Variants in PRMT3 observed in about 807,000 individuals in gnomAD.
PRMT3 encodes the protein protein arginine N-methyltransferase 3.
A neutral mutation model predicts 71.9 loss-of-function variants in PRMT3; 62 were observed. That is an observed-to-expected ratio of 0.86 (90% confidence interval 0.70 to 1.07). The LOEUF (loss-of-function observed/expected upper bound fraction) is 1.07. Among genes scored for constraint, PRMT3 ranks in the 50% least tolerant of loss-of-function variants. The pLI is 0.00. For missense variants in PRMT3, 663 were observed against 643.0 expected, an observed-to-expected ratio of 1.03 and a Z score of -0.34; for synonymous variants, 213 against 220.4, an observed-to-expected ratio of 0.97 and a Z score of 0.30.
chr11:20,430,197 G>T (rs1849626175), intron 10 of PRMT3, among the ~76,000 whole-genome samples: 1 of 152,040 alleles, frequency 6.6e-6, no homozygotes, highest in African/African-American at 2.4e-5. Context: ...AATCTAGAAT[G>T]AACCATAGTT....
intron 13 of PRMT3, among the ~76,000 whole-genome samples, chr11:20,483,761 A>G (rs1359606386): frequency 6.6e-6 from 1 of 152,196 alleles, no homozygotes; most frequent in Non-Finnish European, 1.5e-5. Context: ...GCAGAGGCAT[A>G]TAAAAGACAC....
intron 15 of PRMT3, among the ~76,000 whole-genome samples, chr11:20,506,300 A>C (rs1187566025): frequency 6.6e-6 from 1 of 152,204 alleles, no homozygotes; most frequent in Non-Finnish European, 1.5e-5. Context: ...ATTGGTGAAC[A>C]TGTCATATGA....
intron 13 of PRMT3, among the ~76,000 whole-genome samples, chr11:20,471,384 A>G (rs988505048): frequency 2.0e-5 from 3 of 152,046 alleles, no homozygotes; most frequent in Non-Finnish European, 4.4e-5. Flanking sequence ...TTTTGAGTTA[A>G]TTTTTGTGTA....
At chr11:20,437,607 T>G (rs979448176) in intron 10 of PRMT3, among the ~76,000 whole-genome samples, 4 of 151,896 alleles carry the variant, frequency 2.6e-5, no homozygotes, top group Admixed American at 1.3e-4. Context: ...TTGTTATTTT[T>G]GAGACGGAGT....
chr11:20,487,880 A>G (rs189854439), intron 13 of PRMT3, among the ~76,000 whole-genome samples: 26 of 152,354 alleles, frequency 1.7e-4, no homozygotes, highest in Non-Finnish European at 3.7e-4. Flanking sequence ...AATCCCAAAT[A>G]AATTTAAAAG....
intron 7 of PRMT3, 101 bp from the exon 8 acceptor site, chr11:20,402,818 T>C: frequency 1.2e-6 from 1 of 806,918 alleles, no homozygotes; most frequent in South Asian, 2.0e-5. Flanking sequence ...AAAACTGCTA[T>C]GGAAACTAGC....
At chr11:20,412,453 A>C (rs76480681) in intron 9 of PRMT3, among the ~76,000 whole-genome samples, 6,935 of 152,100 alleles carry the variant, frequency 0.046, 270 homozygotes, top group East Asian at 0.2. Context: ...GGATTTTTGA[A>C]ATTTTCAGCC....
chr11:20,408,108 TAGCTA>T, intron 9 of PRMT3, 76 bp downstream of exon 9: 1 of 1,111,750 alleles, frequency 9.0e-7, no homozygotes, highest in Non-Finnish European at 1.2e-6. Flanking sequence ...TTGTCTTTAG[TAGCTA>T]TCTAAGGCAG....
intron 9 of PRMT3, among the ~76,000 whole-genome samples, chr11:20,424,835 A>G (rs1849509210): frequency 1.3e-5 from 2 of 152,184 alleles, no homozygotes; most frequent in Non-Finnish European, 2.9e-5. Context: ...TAAGAATACA[A>G]CTGGGCTAAG....
At chr11:20,431,188 G>A (rs1317604862) in intron 10 of PRMT3, among the ~76,000 whole-genome samples, 3 of 152,016 alleles carry the variant, frequency 2.0e-5, no homozygotes, top group East Asian at 1.9e-4. Flanking sequence ...ACAGAAATTC[G>A]CTGGCCTCAG....
intron 9 of PRMT3, among the ~76,000 whole-genome samples, chr11:20,421,576 C>T (rs1849425675): frequency 6.6e-6 from 1 of 152,160 alleles, no homozygotes; most frequent in African/African-American, 2.4e-5. Context: ...AAGAATAAGT[C>T]TCCAAAAACC....
chr11:20,395,673 A>T, intron 5 of PRMT3, 130 bp from the exon 6 acceptor site: 1 of 885,764 alleles, frequency 1.1e-6, no homozygotes, highest in Non-Finnish European at 1.7e-6. Flanking sequence ...ATATTCAATT[A>T]AAAGTACTTT....
intron 2 of PRMT3, among the ~76,000 whole-genome samples, chr11:20,389,501 A>G (rs1172861861): frequency 6.6e-6 from 1 of 152,224 alleles, no homozygotes; most frequent in Non-Finnish European, 1.5e-5. Context: ...TGACAAATAA[A>G]TTCACTTTGA....
chr11:20,467,307 G>A (rs376737443), intron 13 of PRMT3, among the ~76,000 whole-genome samples: 1 of 152,156 alleles, frequency 6.6e-6, no homozygotes, highest in Non-Finnish European at 1.5e-5. Context: ...CACTTTAAAA[G>A]CATTATTTAG....
At chr11:20,433,188 T>TA (rs1366878064) in intron 10 of PRMT3, among the ~76,000 whole-genome samples, 29 of 152,184 alleles carry the variant, frequency 1.9e-4, no homozygotes, top group Non-Finnish European at 2.8e-4. Context: ...ATTTTTTTTT[T>TA]ACTCATCTCC....
In PRMT3 at chr11:20,393,057, A is replaced by C. The variant is rs927619473; in HGVS notation, c.400+58A>C. On this transcript the variant is annotated intron_variant, in intron 5 of 15. Coordinates refer to ENST00000331079, the MANE Select transcript of PRMT3 (RefSeq NM_005788.4). ...AACATAAGGCCGTTTGTTAACGGCAAAATGGAGGTAGAGTGTTTTAGGAAA... is the reference window on the plus strand; with the variant it reads ...AACATAAGGCCGTTTGTTAACGGCACAATGGAGGTAGAGTGTTTTAGGAAA... 4 of 1,050,630 alleles carry C rather than the reference A, an allele frequency of 3.8e-6. No individual in the cohort carries two copies. In the African/African-American group the frequency reaches 4.8e-5, roughly 13 times the overall value. 65.1% of individuals were successfully genotyped at this position (1,050,630 alleles called of 1,614,324 possible). A position where few individuals can be genotyped will look rare whatever the true frequency, so the allele number is the denominator to read the frequency against.
chr11:20,497,476 T>G (rs1851359055), intron 15 of PRMT3, among the ~76,000 whole-genome samples: 1 of 148,592 alleles, frequency 6.7e-6, no homozygotes. Context: ...GGAAAAATAG[T>G]CATTTCTTAG....
At chr11:20,397,848 C>G in intron 7 of PRMT3, 127 bp downstream of exon 7, 1 of 894,040 alleles carries the variant, frequency 1.1e-6, no homozygotes, top group Non-Finnish European at 1.6e-6. Context: ...TTTTAAACAC[C>G]TCTTTGGTGC....
chr11:20,432,285 CAACTT>C (rs1849670506), intron 10 of PRMT3, among the ~76,000 whole-genome samples: 1 of 152,006 alleles, frequency 6.6e-6, no homozygotes, highest in African/African-American at 2.4e-5. Flanking sequence ...AATTGTATAA[CAACTT>C]AAAAATATTT....
Sources: gnomAD v4.1 joint callset for allele counts (sites outside exome capture counted in the v4.1 genomes callset) on GRCh38, gnomAD v4.1.1 for gene constraint, MANE v1.5 for transcripts, NCBI Gene and HGNC (gene_info 2026-07-23, HGNC 2026-07-21) for gene names.